ABCA13: variants seen among roughly 807,000 people sequenced by gnomAD.
The protein encoded by ABCA13 is ATP binding cassette subfamily A member 13.
ABCA13 carries 476 observed loss-of-function variants against 478.7 expected under a neutral mutation model. That is an observed-to-expected ratio of 0.99 (90% CI 0.92 to 1.07). The LOEUF is 1.07. ABCA13 is among the 50% of genes least tolerant of loss of function. The pLI, the probability that ABCA13 is intolerant of heterozygous loss-of-function variation, is 0.00. For missense variants in ABCA13, 6,060 were observed against 5,910.6 expected (o/e 1.03, Z -0.83); for synonymous variants, 2,252 against 2,158.9 (o/e 1.04, Z -1.20).
intron 48 of ABCA13, among the ~76,000 whole-genome samples, chr7:48,492,123 G>C (rs1029747308): frequency 6.6e-6 from 1 of 152,096 alleles, no homozygotes. Context: ...TAGAACCCAG[G>C]CTGGCCCTTT....
At chr7:48,238,357 T>C (rs1335866567) in intron 8 of ABCA13, among the ~76,000 whole-genome samples, 1 of 152,214 alleles carries the variant, frequency 6.6e-6, no homozygotes, top group Non-Finnish European at 1.5e-5. Flanking sequence ...ACAGAATCTC[T>C]TAAAGATGGC....
chr7:48,582,512 T>G (rs1261521113), intron 56 of ABCA13, among the ~76,000 whole-genome samples: 3 of 152,170 alleles, frequency 2.0e-5, no homozygotes, highest in Admixed American at 6.5e-5. Flanking sequence ...GCTGCTCACC[T>G]TAGTTGTTTT....
Position 48,494,128 on chromosome 7 carries a change from C to A in ABCA13, c.13291+4784C>A, listed in dbSNP as rs371568091. Among the ~76,000 whole-genome samples, 6 of 152,264 alleles carry A rather than the reference C, an allele frequency of 3.9e-5. No homozygotes were observed. In the South Asian group the frequency reaches 6.2e-4, roughly 16 times the overall value. On this transcript the variant is annotated intron_variant, in intron 48 of 61. Coordinates refer to ENST00000435803, the MANE Select transcript of ABCA13 (RefSeq NM_152701.5). The stretch of plus-strand genomic sequence containing the variant: ...TGGAATCCCCTGGAGGGCCACAACT[C>A]ATTAGTATGCTGCAAACCCCAGGGA...
intron 57 of ABCA13, among the ~76,000 whole-genome samples, chr7:48,593,968 T>C (rs558133416): frequency 4.4e-4 from 67 of 152,216 alleles, no homozygotes; most frequent in African/African-American, 1.4e-3. Flanking sequence ...TTCCTCTTGT[T>C]GCTGTGAAAA....
intron 27 of ABCA13, among the ~76,000 whole-genome samples, chr7:48,331,715 T>C (rs569546719): frequency 6.6e-6 from 1 of 152,320 alleles, no homozygotes; most frequent in African/African-American, 2.4e-5. Flanking sequence ...CTGCCATTGA[T>C]ACAGTTCACT....
chr7:48,224,185 C>T (rs1421638753), intron 5 of ABCA13, among the ~76,000 whole-genome samples: 2 of 152,130 alleles, frequency 1.3e-5, no homozygotes, highest in East Asian at 3.9e-4. Context: ...GGTCACAGGG[C>T]CCCATGTCAA....
At chr7:48,181,184 C>A (rs1281557299) in intron 1 of ABCA13, among the ~76,000 whole-genome samples, 1 of 152,112 alleles carries the variant, frequency 6.6e-6, no homozygotes, top group Non-Finnish European at 1.5e-5. Flanking sequence ...CGTATTAGGG[C>A]TTATTTGGTT....
intron 3 of ABCA13, among the ~76,000 whole-genome samples, chr7:48,206,601 A>AT (rs1260979991): frequency 6.2e-5 from 9 of 144,514 alleles, no homozygotes; most frequent in Non-Finnish European, 1.3e-4. Flanking sequence ...TTTTTGGTTA[A>AT]TTTTTAAAAA....
rs777024832 is a variant in ABCA13 at position 48,275,204 on chromosome 7, C to T, written c.5538C>T (p.Leu1846=). The T allele has an allele frequency of 1.2e-6, 2 of 1,613,776 alleles. No homozygotes were observed. Among genetic ancestry groups the T allele is most frequent in the Non-Finnish European group, 1.7e-6 (2 of 1,179,862 alleles). The change falls in exon 17 of 62, where the codon CTC becomes CTT. Residue 1846 remains leucine, a synonymous_variant. Coordinates refer to ENST00000435803, the MANE Select transcript of ABCA13 (RefSeq NM_152701.5). ...TAGACCCCTGCAATGTCCATGGGCT[C>T]ATGTCTTCTTCCTTTTATGGCAAAG... The part of the protein sequence containing the change: ...SKIDPCNVHG[L]MSSSFYGKVA...
At chr7:48,491,071 T>G (rs1829798087) in intron 48 of ABCA13, among the ~76,000 whole-genome samples, 1 of 152,084 alleles carries the variant, frequency 6.6e-6, no homozygotes. Context: ...CCTGAGCATT[T>G]TAGAGTTCAG....
intron 59 of ABCA13, among the ~76,000 whole-genome samples, chr7:48,633,297 A>G (rs1046968460): frequency 3.3e-5 from 5 of 152,204 alleles, no homozygotes; most frequent in African/African-American, 1.2e-4. Context: ...AACTATGAAA[A>G]GACTTAGGCA....
chr7:48,409,305 T>C (rs1818678266), intron 39 of ABCA13, among the ~76,000 whole-genome samples: 1 of 152,206 alleles, frequency 6.6e-6, no homozygotes, highest in African/African-American at 2.4e-5. Context: ...TCTTCTAGTT[T>C]CTTTGGCCTC....
At chr7:48,291,934 C>T (rs978865955) in intron 20 of ABCA13, among the ~76,000 whole-genome samples, 2 of 152,124 alleles carry the variant, frequency 1.3e-5, no homozygotes, top group African/African-American at 2.4e-5. Flanking sequence ...CATCCTTGAC[C>T]GACTGTCTCC....
Position 48,295,766 on chromosome 7 carries a change from A to G in ABCA13, c.9022A>G (p.Ser3008Gly), listed in dbSNP as rs750015133. The G allele has an allele frequency of 8.7e-6, 14 of 1,614,066 alleles. No individual in the cohort carries two copies. Among genetic ancestry groups the G allele is most frequent in the Non-Finnish European group, 1.1e-5 (13 of 1,179,904 alleles). The change falls in exon 21 of 62, where the codon AGC (serine) becomes GGC (glycine). Residue 3008 changes from serine to glycine, a missense_variant. This residue lies in a region of ABCA13 where 4,423 missense variants were observed against 4,309.1 expected (regional missense o/e 1.03). Transcript: ENST00000435803. Reference sequence around the variant, plus strand: ...TGAAAGTCTTAGCAAGAATCTTTCTAGCACCTTGGAGAGCTTCAAGAGCAG... The same window carrying G: ...TGAAAGTCTTAGCAAGAATCTTTCTGGCACCTTGGAGAGCTTCAAGAGCAG... ...NCESLSKNLSSTLESFKSSLE... is the reference protein window; with the variant it reads ...NCESLSKNLSGTLESFKSSLE...
At chr7:48,482,194 A>G (rs966226739) in intron 46 of ABCA13, among the ~76,000 whole-genome samples, 5 of 152,154 alleles carry the variant, frequency 3.3e-5, no homozygotes, top group Non-Finnish European at 7.3e-5. Flanking sequence ...AATAAAACCC[A>G]GTGTGGTAAT....
At position 48,270,283 on chromosome 7, in the gene ABCA13, A is replaced by G. The variant is rs562364895; in HGVS notation, c.2120+1189A>G. Among the ~76,000 whole-genome samples, 35 of 152,334 alleles carry G rather than the reference A, an allele frequency of 2.3e-4. 1 individual carries two copies. The highest frequency in any genetic ancestry group is 8.4e-4 in the African/African-American group (35 of 41,574). On this transcript the variant is annotated intron_variant, in intron 16 of 61. Coordinates refer to ENST00000435803, the MANE Select transcript of ABCA13 (RefSeq NM_152701.5). The stretch of plus-strand genomic sequence containing the variant: ...AAAGTTTCTTTTTTCATGAAAGGGA[A>G]ATAATGACGTGTACTTCAAAAGGCT...
At chr7:48,618,053 C>T (rs1792766145) in intron 59 of ABCA13, among the ~76,000 whole-genome samples, 1 of 152,178 alleles carries the variant, frequency 6.6e-6, no homozygotes, top group Admixed American at 6.5e-5. Flanking sequence ...AGATGAGAAA[C>T]AGCTCTTCCA....
At chr7:48,323,136 G>T (rs139650682) in intron 27 of ABCA13, among the ~76,000 whole-genome samples, 1 of 152,286 alleles carries the variant, frequency 6.6e-6, no homozygotes, top group Non-Finnish European at 1.5e-5. Flanking sequence ...GCGATTATCA[G>T]TGGAGCTCTT....
At chr7:48,529,883 A>G (rs767060093) in intron 55 of ABCA13, among the ~76,000 whole-genome samples, 119 of 152,176 alleles carry the variant, frequency 7.8e-4, no homozygotes, top group Non-Finnish European at 2.4e-4. Context: ...ACAGTTTTCT[A>G]CACTTTCTCT....
Sources: gnomAD v4.1 joint callset for allele counts (sites outside exome capture counted in the v4.1 genomes callset) on GRCh38, gnomAD v4.1.1 for gene constraint, gnomAD v4.1.1 regional missense constraint, MANE v1.5 for transcripts, NCBI Gene and HGNC (gene_info 2026-07-23, HGNC 2026-07-21) for gene names.